ADGRG4: variants seen among roughly 807,000 people sequenced by gnomAD.
The protein encoded by ADGRG4 is adhesion G protein-coupled receptor G4.
In ADGRG4, 122 loss-of-function variants were observed where a neutral mutation model predicts 126.2. The ratio of observed to expected loss-of-function variants is 0.97; its 90% CI spans 0.83 to 1.12. ADGRG4 has a LOEUF of 1.12. ADGRG4 is among the 50% of genes most tolerant of loss of function. The pLI is 0.00. For synonymous variants in ADGRG4, 943 were observed against 838.7 expected (o/e 1.12, Z -2.15); for missense variants, 2,481 against 2,251.8 (o/e 1.10, Z -2.06).
chrX:136,317,568 G>T (rs1357082564), intron 4 of ADGRG4, among the ~76,000 whole-genome samples: 1 of 102,579 alleles, frequency 9.7e-6, no homozygotes, highest in Non-Finnish European at 2.0e-5. Flanking sequence ...AGCAATAAAA[G>T]AAAAGAAAAA....
chrX:136,313,644 A>G (rs953627788), intron 4 of ADGRG4, among the ~76,000 whole-genome samples: 4 of 112,144 alleles, frequency 3.6e-5, no homozygotes, highest in Non-Finnish European at 7.5e-5. Flanking sequence ...GTGACTGACC[A>G]CCATATTCTG....
chrX:136,409,684 T>C (rs1473790649), intron 23 of ADGRG4, among the ~76,000 whole-genome samples: 1 of 111,958 alleles, frequency 8.9e-6, no homozygotes, highest in Non-Finnish European at 1.9e-5. Context: ...AGCCTCCAGA[T>C]TGCTGCCTCC....
In ADGRG4 at chrX:136,322,802, A is replaced by G; in HGVS notation, c.95A>G (p.Lys32Arg). 8.4e-7 allele frequency: 1 copy of G among 1,190,127 alleles called. No individual in the cohort carries two copies. The highest frequency in any genetic ancestry group is 1.1e-6 in the Non-Finnish European group (1 of 884,428). The change falls in exon 5 of 26, where the codon AAG becomes AGG. Residue 32 changes from lysine (K) to arginine (R), a missense_variant. Coordinates refer to ENST00000394143, the MANE Select transcript of ADGRG4 (RefSeq NM_153834.4). The part of the protein sequence containing the change: ...LSDTLSLKGK[K>R]LDFFGRGDTY... ...GATACACTTTCACTAAAAGGAAAAAAGCTGGATTTTTTTGGAAGAGGTGAC... is the reference window on the plus strand; with the variant it reads ...GATACACTTTCACTAAAAGGAAAAAGGCTGGATTTTTTTGGAAGAGGTGAC...
At chrX:136,324,095 G>A (rs1353983835) in intron 5 of ADGRG4, among the ~76,000 whole-genome samples, 1 of 111,586 alleles carries the variant, frequency 9.0e-6, no homozygotes, top group Admixed American at 9.5e-5. Context: ...GTAGACACAC[G>A]GTGACAATTT....
intron 7 of ADGRG4, 32 bp from the exon 8 acceptor site, chrX:136,353,305 T>C (rs1167386416): frequency 1.2e-5 from 12 of 1,004,145 alleles, no homozygotes; most frequent in Non-Finnish European, 1.7e-5. Context: ...AGGAGCAGAA[T>C]ACTAAAACTG....
Position 136,348,629 on chromosome X carries a change from A to G in ADGRG4, c.4923A>G (p.Thr1641=). Reference sequence around the variant, plus strand: ...TGATAGAGGCACCTTCCAGGATCACACCTACGACCTTTCTCTCTCCAACAG... The same window carrying G: ...TGATAGAGGCACCTTCCAGGATCACGCCTACGACCTTTCTCTCTCCAACAG... ...TEMIEAPSRI[T]PTTFLSPTEP... The change falls in exon 6 of 26, where the codon ACA becomes ACG. Residue 1641 remains threonine (T), a synonymous_variant. Transcript: ENST00000394143. The G allele has an allele frequency of 2.5e-6, 3 of 1,210,080 alleles. No individual in the cohort carries two copies. The African/African-American group carries it at 5.2e-5, about 21-fold the overall frequency.
chrX:136,401,319 C>T (rs1469537599), intron 21 of ADGRG4, among the ~76,000 whole-genome samples: 1 of 111,803 alleles, frequency 8.9e-6, no homozygotes, highest in Non-Finnish European at 1.9e-5. Flanking sequence ...AAGCAGATAA[C>T]CCACACATGG....
chrX:136,399,620 C>T (rs1235173841), intron 20 of ADGRG4, among the ~76,000 whole-genome samples: 1 of 109,879 alleles, frequency 9.1e-6, no homozygotes, highest in Non-Finnish European at 1.9e-5. Flanking sequence ...AAATAATAGC[C>T]TCTCTCAACT....
intron 3 of ADGRG4, among the ~76,000 whole-genome samples, chrX:136,305,729 C>G (rs1024561929): frequency 8.9e-6 from 1 of 112,357 alleles, no homozygotes. Context: ...TCCTCCTCCC[C>G]ACTTTCTTAG....
intron 23 of ADGRG4, among the ~76,000 whole-genome samples, chrX:136,410,014 C>T (rs2075437254): frequency 8.9e-6 from 1 of 112,320 alleles, no homozygotes; most frequent in South Asian, 3.7e-4. Context: ...ACTCCAAGTT[C>T]CCTCAACTAT....
At chrX:136,387,933 T>C (rs186717835) in intron 16 of ADGRG4, 59 bp downstream of exon 16, 5 of 1,042,222 alleles carry the variant, frequency 4.8e-6, no homozygotes, top group East Asian at 3.1e-5. Context: ...ATTGTAATTA[T>C]GAACTCTTGC....
At chrX:136,313,098 G>A (rs2074783562) in intron 4 of ADGRG4, among the ~76,000 whole-genome samples, 1 of 112,473 alleles carries the variant, frequency 8.9e-6, no homozygotes, top group Admixed American at 9.4e-5. Context: ...TGACTATTAT[G>A]AATAATGCTG....
At chrX:136,376,488 C>G (rs111475099) in intron 15 of ADGRG4, among the ~76,000 whole-genome samples, 1 of 111,614 alleles carries the variant, frequency 9.0e-6, no homozygotes, top group East Asian at 2.8e-4. Context: ...GCAGTATGGC[C>G]ATTTTCACAG....
rs1330458896 is a variant in ADGRG4 at position 136,400,071 on chromosome X, A to G, written c.8530A>G (p.Ile2844Val). Reference protein sequence around the residue: ...MYLALVKVFNIYIPNYILKFC... With the variant: ...MYLALVKVFNVYIPNYILKFC... The stretch of plus-strand genomic sequence containing the variant: ...TTTGGCTCTAGTCAAAGTCTTCAAC[A>G]TATACATTCCAAATTATATCCTTAA... The change falls in exon 21 of 26, where the codon ATA becomes GTA. Residue 2844 changes from isoleucine to valine, a missense_variant. By Grantham distance (29) the Ile-to-Val change is conservative. Transcript: ENST00000394143. 2 of 1,203,753 alleles carry G rather than the reference A, an allele frequency of 1.7e-6. No homozygotes were observed. The highest frequency in any genetic ancestry group is 1.8e-5 in the South Asian group (1 of 56,673).
intron 1 of ADGRG4, among the ~76,000 whole-genome samples, chrX:136,301,516 A>T (rs1483247194): frequency 1.8e-5 from 2 of 110,800 alleles, no homozygotes; most frequent in African/African-American, 6.6e-5. Flanking sequence ...GATTGTAAAA[A>T]TTTTCTCTCA....
chrX:136,370,709 T>C (rs1017392605), intron 13 of ADGRG4, among the ~76,000 whole-genome samples: 4 of 111,917 alleles, frequency 3.6e-5, no homozygotes, highest in Admixed American at 9.5e-5. Flanking sequence ...TTGACACTTG[T>C]TGAAGTTGGG....
In ADGRG4 at chrX:136,345,434, T is replaced by A. The variant is rs748613302; in HGVS notation, c.1728T>A (p.Asp576Glu). Residue 576 changes from aspartate to glutamate, a missense_variant, in exon 6 of 26, where the codon GAT becomes GAA. Physicochemically the swap from Asp to Glu is conservative, Grantham distance 45 (BLOSUM62 2). Coordinates refer to ENST00000394143, the MANE Select transcript of ADGRG4 (RefSeq NM_153834.4). Reference protein sequence around the residue: ...TGTESVQTVIDAEATRTALTP... With the variant: ...TGTESVQTVIEAEATRTALTP... ...CTGAGAGTGTACAGACAGTTATTGATGCTGAAGCTACACGTACAGCCTTAA... is the reference window on the plus strand; with the variant it reads ...CTGAGAGTGTACAGACAGTTATTGAAGCTGAAGCTACACGTACAGCCTTAA... 2.5e-6 allele frequency: 3 copies of A among 1,207,074 alleles called. No homozygotes were observed. The highest frequency in any genetic ancestry group is 5.9e-5 in the East Asian group (2 of 33,751).
chrX:136,312,507 T>C (rs1041546232), intron 4 of ADGRG4, among the ~76,000 whole-genome samples: 2 of 111,389 alleles, frequency 1.8e-5, no homozygotes, highest in African/African-American at 6.5e-5. Flanking sequence ...GCACCTGTAA[T>C]TCCAGCTACT....
intron 15 of ADGRG4, among the ~76,000 whole-genome samples, chrX:136,379,420 G>T (rs1271248051): frequency 1.8e-5 from 2 of 108,760 alleles, no homozygotes; most frequent in Non-Finnish European, 3.8e-5. Context: ...TTTTTGTTCT[G>T]CTCTCCGTTC....
Sources: allele counts gnomAD v4.1 joint callset (sites outside exome capture counted in the v4.1 genomes callset), GRCh38; gene constraint gnomAD v4.1.1; transcripts MANE v1.5; gene names NCBI Gene and HGNC (gene_info 2026-07-23, HGNC 2026-07-21).